Variants in RAB28 observed in about 807,000 individuals in gnomAD.
The protein encoded by RAB28 is RAB28, member RAS oncogene family, also known as ras-related protein Rab-28.
RAB28 carries 24 observed loss-of-function variants against 31.7 expected under a neutral mutation model. That is an observed-to-expected ratio of 0.76 (90% confidence interval 0.55 to 1.06). The LOEUF (loss-of-function observed/expected upper bound fraction) is 1.06, where lower values mean the gene tolerates loss of function less well. Ranked by LOEUF, RAB28 falls within the 50% of genes least tolerant of loss-of-function variation. RAB28 has a pLI of 0.00. For missense variants in RAB28, 254 were observed against 258.5 expected (o/e 0.98, Z 0.12); for synonymous variants, 100 against 90.4 (o/e 1.11, Z -0.60).
intron 6 of RAB28, among the ~76,000 whole-genome samples, chr4:13,375,853 A>T (rs181285284): frequency 6.4e-4 from 97 of 152,082 alleles, no homozygotes; most frequent in Non-Finnish European, 2.9e-5. Context: ...GAATTCAAGA[A>T]AAATTTAAGG....
At chr4:13,424,058 T>C (rs539747043) in intron 4 of RAB28, among the ~76,000 whole-genome samples, 1 of 152,140 alleles carries the variant, frequency 6.6e-6, no homozygotes, top group Admixed American at 6.6e-5. Flanking sequence ...CATCGGCCAA[T>C]AAAAATGTCA....
intron 4 of RAB28, among the ~76,000 whole-genome samples, chr4:13,443,818 T>C (rs1264203356): frequency 6.6e-6 from 1 of 152,138 alleles, no homozygotes; most frequent in African/African-American, 2.4e-5. Context: ...CTTTGTACCC[T>C]TTGATCAACA....
rs144881629 is a variant in RAB28, at chr4:13,430,973, G to C, written c.391+29726C>G. 4.8e-3 allele frequency among the ~76,000 whole-genome samples: 731 copies of C among 152,298 alleles called. 5 individuals are homozygous for C. Among genetic ancestry groups the C allele is most frequent in the African/African-American group, 0.016 (684 of 41,572 alleles). ...GAGGGTCATCTCCTGGCCTCCCCCA[G>C]TACACTGTTGTGGAGTCAGCAGTGT... On this transcript the variant is annotated intron_variant, in intron 4 of 6. Transcript: ENST00000330852.
Position 13,445,682 on chromosome 4 carries a change from G to T in RAB28, c.391+15017C>A, listed in dbSNP as rs1420653879. Among the ~76,000 whole-genome samples, 5 of 151,568 alleles carry T rather than the reference G, an allele frequency of 3.3e-5. No individual in the cohort carries two copies. In the East Asian group the frequency reaches 9.7e-4, roughly 29 times the overall value. On this transcript the variant is annotated intron_variant, in intron 4 of 6. Coordinates refer to ENST00000330852, the MANE Select transcript of RAB28 (RefSeq NM_001017979.3). ...CCTGTTCGCCTGGGTATCACCAGTG[G>T]AGGCTGAAGAACAGCAAAGACTGCT...
intron 4 of RAB28, among the ~76,000 whole-genome samples, chr4:13,408,485 G>A (rs928713452): frequency 4.2e-4 from 64 of 152,190 alleles, no homozygotes; most frequent in African/African-American, 1.4e-3. Flanking sequence ...TTTTTTGTGT[G>A]TGTCTCTGCC....
rs199498097 is a variant in RAB28, at chr4:13,447,363, A to T, written c.391+13336T>A. ...CTTTCTTGATCTGTCCTTTTCCTAG[A>T]TCCCTCCCTCTTTATATCTTAAAGA... On this transcript the variant is annotated intron_variant, in intron 4 of 6. Coordinates refer to ENST00000330852, the MANE Select transcript of RAB28 (RefSeq NM_001017979.3). Among the ~76,000 whole-genome samples, 12 of 152,100 alleles carry T rather than the reference A, an allele frequency of 7.9e-5. No individual in the cohort carries two copies. In the East Asian group the frequency reaches 2.3e-3, roughly 29 times the overall value.
At chr4:13,454,854 C>T (rs1715210610) in intron 4 of RAB28, among the ~76,000 whole-genome samples, 1 of 152,178 alleles carries the variant, frequency 6.6e-6, no homozygotes, top group Non-Finnish European at 1.5e-5. Flanking sequence ...CATGGCTACA[C>T]AGCTTCTCAG....
intron 6 of RAB28, chr4:13,369,765 C>T (rs759121820): frequency 1.5e-5 from 16 of 1,089,246 alleles, no homozygotes; most frequent in Non-Finnish European, 2.0e-5. Context: ...CAATAATGTA[C>T]AATAATCATC....
At chr4:13,473,718 T>A in intron 3 of RAB28, 1 of 273,040 alleles carries the variant, frequency 3.7e-6, no homozygotes, top group Non-Finnish European at 7.3e-6. Flanking sequence ...GCGAAATTTA[T>A]GTAATTATTC....
At chr4:13,460,407 G>T (rs183364100) in intron 4 of RAB28, among the ~76,000 whole-genome samples, 33 of 152,130 alleles carry the variant, frequency 2.2e-4, no homozygotes, top group African/African-American at 7.5e-4. Context: ...TAGAGACAAG[G>T]GTCTCACTAT....
intron 4 of RAB28, among the ~76,000 whole-genome samples, chr4:13,453,981 A>G (rs1440935738): frequency 2.0e-5 from 3 of 152,056 alleles, no homozygotes; most frequent in African/African-American, 7.2e-5. Flanking sequence ...TCACTTAATA[A>G]TCCTATATTT....
chr4:13,392,089 T>C (rs1378409901), intron 4 of RAB28, among the ~76,000 whole-genome samples: 1 of 152,120 alleles, frequency 6.6e-6, no homozygotes, highest in Non-Finnish European at 1.5e-5. Context: ...TAAAGTATAA[T>C]TTTTTAAAAA....
chr4:13,478,157 G>T (rs1454643653), intron 2 of RAB28, among the ~76,000 whole-genome samples: 1 of 151,534 alleles, frequency 6.6e-6, no homozygotes, highest in Non-Finnish European at 1.5e-5. Flanking sequence ...GCTAGTGACT[G>T]CTGTTAAGTA....
intron 3 of RAB28, among the ~76,000 whole-genome samples, chr4:13,472,546 A>G (rs1305753021): frequency 1.3e-5 from 2 of 151,920 alleles, no homozygotes; most frequent in Non-Finnish European, 2.9e-5. Context: ...TGAAATGCAT[A>G]AAGTCCTCCT....
chr4:13,464,832 A>T (rs761099338), intron 3 of RAB28, among the ~76,000 whole-genome samples: 6 of 152,272 alleles, frequency 3.9e-5, no homozygotes, highest in Non-Finnish European at 8.8e-5. Context: ...AAGCATCAGA[A>T]CAAGACTCAG....
At chr4:13,482,971 GC>G (rs944960477) in intron 1 of RAB28, among the ~76,000 whole-genome samples, 17 of 152,178 alleles carry the variant, frequency 1.1e-4, no homozygotes, top group Admixed American at 2.6e-4. Context: ...GAAATGTGAA[GC>G]CTTAAACAGG....
At chr4:13,480,011 A>C (rs1716539491) in intron 1 of RAB28, among the ~76,000 whole-genome samples, 1 of 151,678 alleles carries the variant, frequency 6.6e-6, no homozygotes, top group Non-Finnish European at 1.5e-5. Context: ...CAAGAAAAGC[A>C]CCGTATGTAA....
chr4:13,460,002 T>C, intron 4 of RAB28: 1 of 834,752 alleles, frequency 1.2e-6, no homozygotes, highest in Non-Finnish European at 1.7e-6. Context: ...GGAGCAGTTA[T>C]AATAGACCAC....
chr4:13,442,608 TATTTTTA>T (rs2108942636), intron 4 of RAB28, among the ~76,000 whole-genome samples: 1 of 152,094 alleles, frequency 6.6e-6, no homozygotes, highest in African/African-American at 2.4e-5. Flanking sequence ...TCAAGTTTTT[TATTTTTA>T]AATCTTTATA....
Sources: gnomAD v4.1 joint callset for allele counts (sites outside exome capture counted in the v4.1 genomes callset) on GRCh38, gnomAD v4.1.1 for gene constraint, MANE v1.5 for transcripts, NCBI Gene and HGNC (gene_info 2026-07-23, HGNC 2026-07-21) for gene names.